AK9: variants seen among roughly 807,000 people sequenced by gnomAD.
The protein encoded by AK9 is adenylate kinase domain containing 1.
A neutral mutation model predicts 239.6 loss-of-function variants in AK9; 191 were observed. The observed-to-expected ratio is 0.80, with a 90% CI of 0.71 to 0.90. The LOEUF (loss-of-function observed/expected upper bound fraction) is 0.90. AK9 is among the 40% of genes least tolerant of loss of function. AK9 has a pLI of 0.00. For synonymous variants in AK9, 689 were observed against 721.0 expected, an observed-to-expected ratio of 0.96 and a Z score of 0.71; for missense variants, 1,995 against 2,214.7, an observed-to-expected ratio of 0.90 and a Z score of 1.99.
chr6:109,496,056 T>C (rs1186441462), intron 38 of AK9, among the ~76,000 whole-genome samples: 1 of 152,230 alleles, frequency 6.6e-6, no homozygotes, highest in Non-Finnish European at 1.5e-5. Context: ...ATCTCTTCTC[T>C]TTTTATAATT....
intron 1 of AK9, among the ~76,000 whole-genome samples, chr6:109,679,618 G>T (rs1020003006): frequency 2.0e-5 from 3 of 152,160 alleles, no homozygotes; most frequent in Non-Finnish European, 2.9e-5. Flanking sequence ...GGGTCAGACT[G>T]CCTCCTGAAG....
At chr6:109,513,422 C>T (rs1424732064) in intron 32 of AK9, among the ~76,000 whole-genome samples, 1 of 152,164 alleles carries the variant, frequency 6.6e-6, no homozygotes, top group Non-Finnish European at 1.5e-5. Context: ...TATAAAAATA[C>T]AGGCATTATC....
intron 29 of AK9, among the ~76,000 whole-genome samples, chr6:109,519,002 C>T (rs1779552482): frequency 6.6e-6 from 1 of 152,114 alleles, no homozygotes; most frequent in East Asian, 1.9e-4. Context: ...CTATTATTGC[C>T]ATCTTTATGT....
intron 12 of AK9, among the ~76,000 whole-genome samples, chr6:109,626,093 C>T (rs757401808): frequency 5.9e-5 from 9 of 152,154 alleles, no homozygotes; most frequent in Non-Finnish European, 1.2e-4. Flanking sequence ...AGTTCTTCCA[C>T]AAATTCCAAT....
chr6:109,541,654 C>A (rs1048231540), intron 27 of AK9, among the ~76,000 whole-genome samples: 2 of 152,268 alleles, frequency 1.3e-5, no homozygotes, highest in African/African-American at 4.8e-5. Flanking sequence ...AGGTGATCCA[C>A]CCGCCTTGGC....
intron 20 of AK9, among the ~76,000 whole-genome samples, chr6:109,576,566 A>C (rs1457537117): frequency 1.3e-5 from 2 of 151,670 alleles, no homozygotes; most frequent in East Asian, 3.9e-4. Flanking sequence ...CATTTATCAG[A>C]TCTAGGAGCT....
chr6:109,538,550 T>G (rs1388535034), intron 27 of AK9, among the ~76,000 whole-genome samples: 1 of 152,172 alleles, frequency 6.6e-6, no homozygotes, highest in African/African-American at 2.4e-5. Flanking sequence ...GGGTCTTGAC[T>G]CTTTATCCAA....
At chr6:109,686,352 A>G (rs1464608601) in intron 1 of AK9, among the ~76,000 whole-genome samples, 3 of 152,240 alleles carry the variant, frequency 2.0e-5, no homozygotes, top group Non-Finnish European at 4.4e-5. Flanking sequence ...ATTCTGTCCA[A>G]GGTAAAGGAT....
chr6:109,533,302 CTTT>C lies in AK9; in HGVS notation c.3516_3518del (p.Lys1175del). ...TCAGTTTCTTCCTTTCTAATTTCTT[CTTT>C]TGTTTTAGTTTCCACTTTTCAATTT... On this transcript the variant is annotated inframe_deletion, in exon 28 of 41. Transcript: ENST00000424296. The C allele has an allele frequency of 6.2e-7, 1 of 1,611,060 alleles. No individual in the cohort carries two copies. The highest frequency in any genetic ancestry group is 1.3e-5 in the African/African-American group (1 of 74,816).
At chr6:109,577,914 C>CTTTA (rs1788318569) in intron 20 of AK9, among the ~76,000 whole-genome samples, 1 of 146,100 alleles carries the variant, frequency 6.8e-6, no homozygotes, top group Admixed American at 6.9e-5. Flanking sequence ...CTCTTTCTTT[C>CTTTA]TTTCTTTCTT....
rs9400306 is a variant in AK9 at position 109,603,946 on chromosome 6, C to A, written c.1842+6419G>T. On this transcript the variant is annotated intron_variant, in intron 17 of 40. Transcript: ENST00000424296. ...AAGCGCAGTATTAGGGTTGGAGTGACCCGATTTTCCAGGTGCCTTCTGTCA... is the reference window on the plus strand; with the variant it reads ...AAGCGCAGTATTAGGGTTGGAGTGAACCGATTTTCCAGGTGCCTTCTGTCA... 9.0e-3 allele frequency among the ~76,000 whole-genome samples: 1,372 copies of A among 152,250 alleles called. 51 individuals are homozygous for A. In the East Asian group the frequency reaches 0.094, roughly 10 times the overall value.
At chr6:109,592,709 G>A (rs1452976998) in intron 17 of AK9, among the ~76,000 whole-genome samples, 2 of 152,046 alleles carry the variant, frequency 1.3e-5, no homozygotes, top group East Asian at 3.9e-4. Flanking sequence ...GCCTTCAAAA[G>A]TGCTGGTTTT....
rs867124180 is a variant in AK9, at chr6:109,595,288, A to G, written c.1843-9216T>C. 4.6e-5 allele frequency among the ~76,000 whole-genome samples: 7 copies of G among 152,248 alleles called. No homozygotes were observed. In the South Asian group the frequency reaches 1.5e-3, roughly 32 times the overall value. On this transcript the variant is annotated intron_variant, in intron 17 of 40. Coordinates refer to ENST00000424296, the MANE Select transcript of AK9 (RefSeq NM_001145128.3). ...CATTACTGGTCATTAGAGAAATGCA[A>G]ATCAAAACCACAATAAGATACCATC... is the stretch of plus-strand genomic sequence containing the variant.
chr6:109,500,473 G>A (rs1168639187), intron 35 of AK9, among the ~76,000 whole-genome samples: 1 of 152,114 alleles, frequency 6.6e-6, no homozygotes, highest in African/African-American at 2.4e-5. Flanking sequence ...ATAATGAGTG[G>A]ACTTATTATA....
intron 24 of AK9, among the ~76,000 whole-genome samples, chr6:109,557,858 CAGT>C (rs1016834045): frequency 6.6e-6 from 1 of 152,162 alleles, no homozygotes; most frequent in African/African-American, 2.4e-5. Context: ...TTCCCACGAG[CAGT>C]ATATAAGAGT....
At chr6:109,508,628 T>C (rs1035909560) in intron 33 of AK9, among the ~76,000 whole-genome samples, 1 of 152,146 alleles carries the variant, frequency 6.6e-6, no homozygotes, top group African/African-American at 2.4e-5. Flanking sequence ...GACCAGGGCT[T>C]CAGGTTTCAT....
chr6:109,564,338 C>A, intron 22 of AK9, 58 bp from the exon 23 acceptor site: 2 of 1,377,592 alleles, frequency 1.5e-6, no homozygotes, highest in South Asian at 1.4e-5. Context: ...TATCTTTAGC[C>A]ATATTGCCAA....
At chr6:109,506,304 T>C in intron 35 of AK9, 23 bp downstream of exon 35, 1 of 1,598,448 alleles carries the variant, frequency 6.3e-7, no homozygotes, top group Non-Finnish European at 8.6e-7. Flanking sequence ...TATTTTATTC[T>C]ACCTTAAAAA....
intron 17 of AK9, among the ~76,000 whole-genome samples, chr6:109,594,461 C>T (rs1790736317): frequency 6.6e-6 from 1 of 152,104 alleles, no homozygotes; most frequent in South Asian, 2.1e-4. Flanking sequence ...AGATTCAATG[C>T]TATCCTCATC....
Sources: allele counts gnomAD v4.1 joint callset (sites outside exome capture counted in the v4.1 genomes callset), GRCh38; gene constraint gnomAD v4.1.1; transcripts MANE v1.5; gene names NCBI Gene and HGNC (gene_info 2026-07-23, HGNC 2026-07-21).